Variants in RPH3AL observed in about 807,000 individuals in gnomAD.
The protein encoded by RPH3AL is rabphilin 3A like (without C2 domains).
In RPH3AL, 38 loss-of-function variants were observed where a neutral mutation model predicts 43.1. That is an observed-to-expected ratio of 0.88 (90% CI 0.68 to 1.15). The LOEUF is 1.15. Ranked by LOEUF, RPH3AL falls within the 50% of genes most tolerant of loss-of-function variation. The pLI is 0.00. For synonymous variants in RPH3AL, 189 were observed against 176.3 expected (o/e 1.07, Z -0.57); for missense variants, 462 against 423.2 (o/e 1.09, Z -0.81).
At chr17:316,510 C>A (rs1294229313) in intron 5 of RPH3AL, among the ~76,000 whole-genome samples, 4 of 137,870 alleles carry the variant, frequency 2.9e-5, no homozygotes, top group Admixed American at 2.2e-4. Context: ...TCTCTGTGCT[C>A]CACCTCCAGT....
chr17:286,267 T>G (rs185471020), intron 5 of RPH3AL, among the ~76,000 whole-genome samples: 1 of 152,314 alleles, frequency 6.6e-6, no homozygotes, highest in Admixed American at 6.5e-5. Flanking sequence ...GGTGAAGGGC[T>G]GTCCCTGCTG....
rs2045249132 is a variant in RPH3AL at position 347,021 on chromosome 17, G to A, written c.-213+5691C>T. Among the ~76,000 whole-genome samples the A allele has an allele frequency of 3.0e-5, 4 of 135,456 alleles. 1 individual carries two copies. 88.9% of individuals were successfully genotyped at this position (135,456 alleles called of 152,430 possible). ...CGCCTGTAATCCCAGCACTTTGGGAGGCCGAGGCGGGAGGATCACGAGGTC... is the reference window on the plus strand; with the variant it reads ...CGCCTGTAATCCCAGCACTTTGGGAAGCCGAGGCGGGAGGATCACGAGGTC... On this transcript the variant is annotated intron_variant, in intron 1 of 9. Coordinates refer to ENST00000331302, the MANE Select transcript of RPH3AL (RefSeq NM_006987.4).
At chr17:263,835 G>C (rs1406840816) in intron 6 of RPH3AL, among the ~76,000 whole-genome samples, 6 of 152,208 alleles carry the variant, frequency 3.9e-5, no homozygotes, top group African/African-American at 1.4e-4. Context: ...CCCTGAAGAA[G>C]GCCAAGTTCC....
intron 7 of RPH3AL, among the ~76,000 whole-genome samples, chr17:237,997 A>T (rs372743364): frequency 5.9e-5 from 9 of 151,484 alleles, no homozygotes; most frequent in African/African-American, 2.2e-4. Flanking sequence ...GATACAAAAA[A>T]ATTAGCAGGT....
intron 7 of RPH3AL, among the ~76,000 whole-genome samples, chr17:228,576 C>T (rs1321374659): frequency 6.6e-6 from 1 of 152,200 alleles, no homozygotes; most frequent in Non-Finnish European, 1.5e-5. Flanking sequence ...GGTGGACTCA[C>T]CCCTTTCGAG....
At chr17:233,626 GGGCCCTTCCCTTCTGAGAGAA>G (rs2041281885) in intron 7 of RPH3AL, among the ~76,000 whole-genome samples, 1 of 152,198 alleles carries the variant, frequency 6.6e-6, no homozygotes, top group South Asian at 2.1e-4. Flanking sequence ...CTGGACATGA[GGGCCCTTCCCTTCTGAGAGAA>G]GCATGCCCAT....
At position 225,565 on chromosome 17, in the gene RPH3AL, T is replaced by C. The variant is rs2041089279; in HGVS notation, c.614-5829A>G. On this transcript the variant is annotated intron_variant, in intron 7 of 9. Transcript: ENST00000331302. This position sits in a 1 kb window ranked among gnomAD's most constrained non-coding sequence, Gnocchi z 4.4. ...GTTCCCATGTTGCCCTTGGGGCAGC[T>C]ACAGTGAAATTAGAGGCCTGTGGCT... 6.6e-6 allele frequency among the ~76,000 whole-genome samples: 1 copy of C among 152,156 alleles called. No individual in the cohort carries two copies. Among genetic ancestry groups the C allele is most frequent in the Non-Finnish European group, 1.5e-5 (1 of 68,020 alleles).
rs7207423 is a variant in RPH3AL, at chr17:262,617, G to A, written c.439-15332C>T. On this transcript the variant is annotated intron_variant, in intron 6 of 9. Coordinates refer to ENST00000331302, the MANE Select transcript of RPH3AL (RefSeq NM_006987.4). ...AGGTGGGAGGATCGCTTGAGGCCAGGAATTCAAGGCCAGCCTGGCCAAGCT... is the reference window on the plus strand; with the variant it reads ...AGGTGGGAGGATCGCTTGAGGCCAGAAATTCAAGGCCAGCCTGGCCAAGCT... 4.9e-4 allele frequency among the ~76,000 whole-genome samples: 74 copies of A among 152,278 alleles called. 1 individual carries two copies. The highest frequency in any genetic ancestry group is 4.0e-3 in the Admixed American group (62 of 15,310).
chr17:263,959 C>T (rs2042259813), intron 6 of RPH3AL, among the ~76,000 whole-genome samples: 1 of 152,142 alleles, frequency 6.6e-6, no homozygotes, highest in South Asian at 2.1e-4. Context: ...GCAGGCAGAG[C>T]TGGGTCCAGC....
At position 264,144 on chromosome 17, in the gene RPH3AL, G is replaced by C. The variant is rs1393230836; in HGVS notation, c.439-16859C>G. ...GATACTGAACAAGCTCAGCAAACGT[G>C]AGGTGTACTGAGGTAACATACACAC... is the stretch of plus-strand genomic sequence containing the variant. On this transcript the variant is annotated intron_variant, in intron 6 of 9. Transcript: ENST00000331302. The surrounding 1 kb of genome is among the most constrained non-coding windows in gnomAD (Gnocchi z 4.8). Among the ~76,000 whole-genome samples, 1 of 152,222 alleles carries C rather than the reference G, an allele frequency of 6.6e-6. No individual in the cohort carries two copies. The highest frequency in any genetic ancestry group is 1.9e-4 in the East Asian group (1 of 5,196).
chr17:269,664 C>T (rs896769396), intron 6 of RPH3AL, among the ~76,000 whole-genome samples: 9 of 152,178 alleles, frequency 5.9e-5, no homozygotes, highest in African/African-American at 1.7e-4. Context: ...AATGGGCTCC[C>T]GTGGGGATGA....
chr17:318,686 G>A (rs114631026), intron 5 of RPH3AL, among the ~76,000 whole-genome samples: 99 of 152,178 alleles, frequency 6.5e-4, no homozygotes, highest in African/African-American at 2.2e-3. Context: ...ATAAGAAAAC[G>A]AAAGGCAAGT....
At chr17:315,621 G>A (rs2044012629) in intron 5 of RPH3AL, among the ~76,000 whole-genome samples, 1 of 117,706 alleles carries the variant, frequency 8.5e-6, no homozygotes, top group Admixed American at 1.1e-4. Context: ...TCTAGTCCCT[G>A]TACTCCACCT....
chr17:241,207 A>G (rs573964612), intron 7 of RPH3AL, among the ~76,000 whole-genome samples: 9 of 152,174 alleles, frequency 5.9e-5, no homozygotes, highest in African/African-American at 1.7e-4. Context: ...TGGACAACAC[A>G]GTGAGGCTCC....
chr17:315,733 GT>G (rs2044064533), intron 5 of RPH3AL, among the ~76,000 whole-genome samples: 1 of 147,470 alleles, frequency 6.8e-6, no homozygotes, highest in Non-Finnish European at 1.5e-5. Flanking sequence ...CTATTGACCC[GT>G]AGTCTCTGTG....
intron 6 of RPH3AL, among the ~76,000 whole-genome samples, chr17:273,099 CGTCAGGGAGAGACCCCAGCGAGGGT>C (rs2042546732): frequency 9.9e-6 from 1 of 100,782 alleles, no homozygotes; most frequent in Non-Finnish European, 2.2e-5. Context: ...GCGAGGGTGA[CGTCAGGGAGAGACCCCAGCGAGGGT>C]GACGTCAGGG....
chr17:215,112 G>A lies in RPH3AL; in HGVS notation c.876+542C>T, dbSNP rs913340295. Among the ~76,000 whole-genome samples, 5 of 152,200 alleles carry A rather than the reference G, an allele frequency of 3.3e-5. No homozygotes were observed. Among genetic ancestry groups the A allele is most frequent in the African/African-American group, 9.6e-5 (4 of 41,454 alleles). On this transcript the variant is annotated intron_variant, in intron 9 of 9. Coordinates refer to ENST00000331302, the MANE Select transcript of RPH3AL (RefSeq NM_006987.4). This position sits in a 1 kb window ranked among gnomAD's most constrained non-coding sequence, Gnocchi z 4.1. Reference sequence around the variant, plus strand: ...CCATGAATCCTCTGGCCAGGGAGGGGCCCAACCTGCCCAGGGCTTCTTTCT... The same window carrying A: ...CCATGAATCCTCTGGCCAGGGAGGGACCCAACCTGCCCAGGGCTTCTTTCT...
At chr17:311,767 A>G (rs2043652540) in intron 5 of RPH3AL, among the ~76,000 whole-genome samples, 1 of 152,202 alleles carries the variant, frequency 6.6e-6, no homozygotes, top group African/African-American at 2.4e-5. Flanking sequence ...AGGCTTCCAG[A>G]GGCTTTTATG....
At chr17:239,198 G>A (rs368596098) in intron 7 of RPH3AL, among the ~76,000 whole-genome samples, 1 of 152,186 alleles carries the variant, frequency 6.6e-6, no homozygotes, top group African/African-American at 2.4e-5. Context: ...GGTAGTCAGC[G>A]CACCTGTCCT....
Sources: gnomAD v4.1 joint callset for allele counts (sites outside exome capture counted in the v4.1 genomes callset) on GRCh38, gnomAD v4.1.1 for gene constraint, Gnocchi (gnomAD v3.1) non-coding constraint, MANE v1.5 for transcripts, NCBI Gene and HGNC (gene_info 2026-07-23, HGNC 2026-07-21) for gene names.